Variants in ARID3B observed in about 807,000 individuals in gnomAD.
The protein encoded by ARID3B is AT-rich interactive domain-containing protein 3B.
In ARID3B, 10 loss-of-function variants were observed where a neutral mutation model predicts 51.9. The observed-to-expected ratio is 0.19, with a 90% CI of 0.12 to 0.33. ARID3B has a LOEUF of 0.33. ARID3B is among the 10% of genes least tolerant of loss of function. The pLI, the probability that ARID3B is intolerant of heterozygous loss-of-function variation, is 1.00. For synonymous variants in ARID3B, 205 were observed against 279.5 expected, an observed-to-expected ratio of 0.73 and a Z score of 2.66; for missense variants, 483 against 716.3, an observed-to-expected ratio of 0.67 and a Z score of 3.72.
chr15:74,566,827 T>C (rs1255098500), intron 2 of ARID3B, among the ~76,000 whole-genome samples: 1 of 152,188 alleles, frequency 6.6e-6, no homozygotes, highest in Non-Finnish European at 1.5e-5. Context: ...CTCTCTCCAT[T>C]AGACAGTAAG....
At chr15:74,558,707 C>A (rs969602295) in intron 2 of ARID3B, among the ~76,000 whole-genome samples, 2 of 152,136 alleles carry the variant, frequency 1.3e-5, no homozygotes, top group Non-Finnish European at 2.9e-5. Flanking sequence ...CAAGTTCTTC[C>A]TGTGTCATGT....
chr15:74,546,407 T>TCCTAGAAAGTGCAG (rs1371821692), intron 2 of ARID3B, among the ~76,000 whole-genome samples: 3 of 152,186 alleles, frequency 2.0e-5, no homozygotes, highest in Non-Finnish European at 4.4e-5. Context: ...GTGCGGTCGT[T>TCCTAGAAAGTGCAG]CCTAGAAAGT....
At chr15:74,559,991 T>A (rs1348324816) in intron 2 of ARID3B, among the ~76,000 whole-genome samples, 1 of 116,868 alleles carries the variant, frequency 8.6e-6, no homozygotes, top group Non-Finnish European at 1.7e-5. Flanking sequence ...CCCAGGAGTT[T>A]GAGACCAGCC....
chr15:74,561,615 G>A lies in ARID3B; in HGVS notation c.553-11247G>A, dbSNP rs77613635. On this transcript the variant is annotated intron_variant, in intron 2 of 8. Coordinates refer to ENST00000346246, the MANE Select transcript of ARID3B (RefSeq NM_006465.4). Reference sequence around the variant, plus strand: ...CACCATTTGGTCACTTTGTAACCAAGTCACTGGACTTCCTTTTGCTTTGGT... The same window carrying A: ...CACCATTTGGTCACTTTGTAACCAAATCACTGGACTTCCTTTTGCTTTGGT... Among the ~76,000 whole-genome samples, 1,177 of 152,322 alleles carry A rather than the reference G, an allele frequency of 7.7e-3. 8 individuals carry two copies. Among genetic ancestry groups the A allele is most frequent in the African/African-American group, 0.027 (1,132 of 41,570 alleles).
chr15:74,572,768 A>T, intron 2 of ARID3B, 94 bp from the exon 3 acceptor site: 1 of 1,202,386 alleles, frequency 8.3e-7, no homozygotes, highest in Non-Finnish European at 1.2e-6. Context: ...ATTGCTAAGC[A>T]TCTTCATCTT....
intron 4 of ARID3B, among the ~76,000 whole-genome samples, chr15:74,583,617 G>A (rs924852177): frequency 1.3e-5 from 2 of 151,902 alleles, no homozygotes; most frequent in African/African-American, 2.4e-5. Context: ...CTTGGGAGCC[G>A]GAGGCAGGAG....
chr15:74,570,462 CAAAAAAAAAAA>C (rs71137395), intron 2 of ARID3B, among the ~76,000 whole-genome samples: 44 of 64,614 alleles, frequency 6.8e-4, no homozygotes, highest in African/African-American at 9.3e-4. Context: ...CTATAATTAG[CAAAAAAAAAAA>C]AAAAAAAAAA....
At chr15:74,562,064 G>A (rs1938378919) in intron 2 of ARID3B, among the ~76,000 whole-genome samples, 1 of 150,296 alleles carries the variant, frequency 6.7e-6, no homozygotes, top group South Asian at 2.1e-4. Flanking sequence ...AAAAAAGCAG[G>A]CTAGGTTAAG....
chr15:74,577,000 G>A (rs2061740572), intron 4 of ARID3B, among the ~76,000 whole-genome samples: 1 of 152,232 alleles, frequency 6.6e-6, no homozygotes, highest in South Asian at 2.1e-4. Flanking sequence ...TCAGTCTGTA[G>A]ATATAGCTGA....
At chr15:74,567,797 G>A (rs562214688) in intron 2 of ARID3B, among the ~76,000 whole-genome samples, 67 of 152,302 alleles carry the variant, frequency 4.4e-4, no homozygotes, top group African/African-American at 1.6e-3. Flanking sequence ...AAAAAGCCTA[G>A]TTTCTCTTCA....
rs2061825198 is a variant in ARID3B at position 74,596,304 on chromosome 15, G to C, written c.*530G>C. 4.3e-6 allele frequency: 1 copy of C among 234,116 alleles called. No homozygotes were observed. Among genetic ancestry groups the C allele is most frequent in the Non-Finnish European group, 8.4e-6 (1 of 118,352 alleles). The allele number at this position is 234,116 out of a possible 1,614,324, so 14.5% of individuals were successfully genotyped here. A position where few individuals can be genotyped will look rare whatever the true frequency, so the allele number is the denominator to read the frequency against. ...TTCCAGCCCACTTTGCCTACTGTTAGGTTCCTGGGGTACGGGTCCCTCAAA... is the reference window on the plus strand; with the variant it reads ...TTCCAGCCCACTTTGCCTACTGTTACGTTCCTGGGGTACGGGTCCCTCAAA... On this transcript the variant is annotated 3_prime_UTR_variant, in exon 9 of 9. Coordinates refer to ENST00000346246, the MANE Select transcript of ARID3B (RefSeq NM_006465.4).
At chr15:74,593,411 G>A (rs1308698079) in intron 8 of ARID3B, among the ~76,000 whole-genome samples, 175 bp downstream of exon 8, 1 of 152,226 alleles carries the variant, frequency 6.6e-6, no homozygotes, top group African/African-American at 2.4e-5. Context: ...ACTGTGGATT[G>A]TTAACAGGAT....
chr15:74,542,859 AAGG>A (rs760957446), intron 1 of ARID3B, among the ~76,000 whole-genome samples: 1 of 152,288 alleles, frequency 6.6e-6, no homozygotes, highest in East Asian at 1.9e-4. Flanking sequence ...GGGGGAGTAA[AAGG>A]AGAAGAGGGT....
At chr15:74,567,574 C>T (rs2061704110) in intron 2 of ARID3B, among the ~76,000 whole-genome samples, 1 of 152,066 alleles carries the variant, frequency 6.6e-6, no homozygotes, top group Admixed American at 6.5e-5. Context: ...GAGACCATCT[C>T]ATCCACCCTG....
chr15:74,557,795 C>A, intron 2 of ARID3B, among the ~76,000 whole-genome samples: 1 of 148,962 alleles, frequency 6.7e-6, no homozygotes. Flanking sequence ...ACTTTAATTA[C>A]AGTATTCTAG....
chr15:74,573,326 C>T (rs1488009610), intron 4 of ARID3B, 122 bp downstream of exon 4: 1 of 1,090,442 alleles, frequency 9.2e-7, no homozygotes, highest in Non-Finnish European at 1.4e-6. Context: ...GAGGCATTTA[C>T]TGCCAGTTGG....
rs965325542 is a variant in ARID3B at position 74,591,324 on chromosome 15, C to T, written c.1055C>T (p.Pro352Leu). 1.9e-6 allele frequency: 3 copies of T among 1,613,936 alleles called. No homozygotes were observed. In the African/African-American group the frequency reaches 4.0e-5, roughly 22 times the overall value. The change falls in exon 6 of 9, where the codon CCT becomes CTT. Residue 352 changes from proline (P) to leucine (L), a missense_variant. Physicochemically the swap from Pro to Leu is moderately conservative, Grantham distance 98. This residue lies in a region of ARID3B where 265 missense variants were observed against 354.4 expected (regional missense o/e 0.75). Transcript: ENST00000346246. This position sits in a 1 kb window ranked among gnomAD's most constrained non-coding sequence, Gnocchi z 5.8. ...AATAAAAAGA[P>L]ALLSPPKIRF... ...ACTGCTGCTGCCGCTGCCGGGGCCC[C>T]TGCCCTTCTCTCCCCACCCAAGATC...
At position 74,597,728 on chromosome 15, in the gene ARID3B, C is replaced by T. The variant is rs557016617; in HGVS notation, c.*1954C>T. ...ATGGACTCTTCCCACCCAGAGGATG[C>T]AGGGAAAGCACACTGTGTCTTTCCG... On this transcript the variant is annotated 3_prime_UTR_variant, in exon 9 of 9. Transcript: ENST00000346246. The T allele has an allele frequency of 8.4e-6, 4 of 474,810 alleles. No individual in the cohort carries two copies. Among genetic ancestry groups the T allele is most frequent in the Admixed American group, 2.8e-5 (1 of 35,204 alleles). 29.4% of individuals were successfully genotyped at this position (474,810 alleles called of 1,614,324 possible). A position where few individuals can be genotyped will look rare whatever the true frequency, so the allele number is the denominator to read the frequency against.
At chr15:74,547,640 T>A (rs1466083196) in intron 2 of ARID3B, among the ~76,000 whole-genome samples, 1 of 152,214 alleles carries the variant, frequency 6.6e-6, no homozygotes, top group African/African-American at 2.4e-5. Context: ...TGTGGGAACC[T>A]CAAGGGGGAT....
Sources: gnomAD v4.1 joint callset for allele counts (sites outside exome capture counted in the v4.1 genomes callset) on GRCh38, gnomAD v4.1.1 for gene constraint, gnomAD v4.1.1 regional missense constraint, Gnocchi (gnomAD v3.1) non-coding constraint, MANE v1.5 for transcripts, NCBI Gene and HGNC (gene_info 2026-07-23, HGNC 2026-07-21) for gene names.